Variants in ABCD3 observed in about 807,000 individuals in gnomAD.
ABCD3 encodes the protein ATP-binding cassette sub-family D member 3.
Under a neutral mutation model 105.5 loss-of-function variants are expected in ABCD3, and 41 were observed. The observed-to-expected ratio is 0.39, with a 90% CI of 0.30 to 0.50. ABCD3 has a LOEUF of 0.50. ABCD3 is among the 20% of genes least tolerant of loss of function. ABCD3 has a pLI of 0.84. For missense variants in ABCD3, 622 were observed against 806.3 expected (o/e 0.77, Z 2.77); for synonymous variants, 258 against 269.0 (o/e 0.96, Z 0.40).
chr1:94,397,335 A>G, the ABCD3 span, among the ~76,000 whole-genome samples: 1 of 152,202 alleles, frequency 6.6e-6, no homozygotes, highest in Admixed American at 6.5e-5. Flanking sequence ...TTTCTGCTCC[A>G]GGATCAAGTG....
At chr1:94,431,374 C>T (rs1371519314) in intron 1 of ABCD3, among the ~76,000 whole-genome samples, 1 of 152,022 alleles carries the variant, frequency 6.6e-6, no homozygotes, top group Non-Finnish European at 1.5e-5. Flanking sequence ...AAGTCAAAGT[C>T]GAGTGCTTGC....
intron 16 of ABCD3, among the ~76,000 whole-genome samples, chr1:94,495,282 G>A (rs1054903333): frequency 6.6e-6 from 1 of 152,006 alleles, no homozygotes; most frequent in Non-Finnish European, 1.5e-5. Flanking sequence ...TATTTGGGGG[G>A]TATATTTTTA....
intron 1 of ABCD3, among the ~76,000 whole-genome samples, chr1:94,433,989 T>C (rs532947628): frequency 6.6e-6 from 1 of 152,112 alleles, no homozygotes; most frequent in African/African-American, 2.4e-5. Context: ...AGTTAAAATA[T>C]GGCATAAAAG....
chr1:94,492,048 A>G (rs1212964479), intron 16 of ABCD3, among the ~76,000 whole-genome samples: 1 of 152,134 alleles, frequency 6.6e-6, no homozygotes, highest in Non-Finnish European at 1.5e-5. Flanking sequence ...TAAAATAACC[A>G]TGTGTAGATA....
upstream of ABCD3, among the ~76,000 whole-genome samples, chr1:94,414,251 A>G (rs2100854578): frequency 6.6e-6 from 1 of 152,306 alleles, no homozygotes; most frequent in Middle Eastern, 3.4e-3. Context: ...CCTGATGAGC[A>G]TGTACCACTT....
intron 3 of ABCD3, among the ~76,000 whole-genome samples, chr1:94,466,244 C>T (rs977784744): frequency 7.9e-5 from 12 of 152,142 alleles, no homozygotes; most frequent in African/African-American, 2.7e-4. Context: ...GGATCACACA[C>T]TTTTAAGATC....
At chr1:94,470,978 C>G (rs1408549386) in intron 4 of ABCD3, among the ~76,000 whole-genome samples, 1 of 152,004 alleles carries the variant, frequency 6.6e-6, no homozygotes, top group Non-Finnish European at 1.5e-5. Context: ...TTGTCATTCA[C>G]ATTAGAGGCC....
At chr1:94,393,408 G>A in the ABCD3 span, among the ~76,000 whole-genome samples, 2 of 152,130 alleles carry the variant, frequency 1.3e-5, no homozygotes, top group African/African-American at 4.8e-5. Flanking sequence ...GGAGGCTGAG[G>A]TAGGTGAATC....
chr1:94,457,487 G>A (rs945076583), intron 1 of ABCD3, among the ~76,000 whole-genome samples: 1 of 152,092 alleles, frequency 6.6e-6, no homozygotes, highest in African/African-American at 2.4e-5. Flanking sequence ...GACCCCTGTA[G>A]TAGACTCAGA....
chr1:94,446,077 C>G (rs1200485822), intron 1 of ABCD3, among the ~76,000 whole-genome samples: 1 of 152,134 alleles, frequency 6.6e-6, no homozygotes, highest in African/African-American at 2.4e-5. Context: ...ATCAGGCTGC[C>G]AGATAGGGGA....
rs1659111202 is a variant in ABCD3, at chr1:94,418,449, CCTCGCCGG to C, written c.-24_-17del. 1 of 1,549,684 alleles carries C rather than the reference CCTCGCCGG, an allele frequency of 6.5e-7. No individual in the cohort carries two copies. The highest frequency in any genetic ancestry group is 1.4e-5 in the African/African-American group (1 of 72,714). ...CGCCGCCGCCGCCGCCGCCGCGTCC[CCTCGCCGG>C]CTCGCTGGTACCGGCAGTGCCATGG... On this transcript the variant is annotated 5_prime_UTR_variant, in exon 1 of 23. Coordinates refer to ENST00000370214, the MANE Select transcript of ABCD3 (RefSeq NM_002858.4).
intron 1 of ABCD3, among the ~76,000 whole-genome samples, chr1:94,425,815 A>G (rs567192020): frequency 1.3e-5 from 2 of 152,288 alleles, no homozygotes; most frequent in South Asian, 4.1e-4. Flanking sequence ...TTGTGCAGCT[A>G]CTTGATCTTT....
At chr1:94,434,746 T>C (rs1447131264) in intron 1 of ABCD3, among the ~76,000 whole-genome samples, 3 of 152,210 alleles carry the variant, frequency 2.0e-5, no homozygotes, top group Non-Finnish European at 4.4e-5. Context: ...AATAATGCAA[T>C]GACATCTTTT....
At position 94,488,887 on chromosome 1, in the gene ABCD3, G is replaced by T. The variant is rs573525953; in HGVS notation, c.1158-838G>T. ...TCTTTCTCTTTCACTCCCTCCCTTC[G>T]TCTCCCTGCCCCCCTTTCTTTCTCT... On this transcript the variant is annotated intron_variant, in intron 13 of 22. Coordinates refer to ENST00000370214, the MANE Select transcript of ABCD3 (RefSeq NM_002858.4). Among the ~76,000 whole-genome samples, 3 of 149,256 alleles carry T rather than the reference G, an allele frequency of 2.0e-5. No homozygotes were observed. The East Asian group carries it at 5.9e-4, about 29-fold the overall frequency.
the ABCD3 span, among the ~76,000 whole-genome samples, chr1:94,407,449 T>C: frequency 6.6e-6 from 1 of 152,220 alleles, no homozygotes; most frequent in East Asian, 1.9e-4. Flanking sequence ...TGTCTTTCTA[T>C]TTGCTCAAGT....
the ABCD3 span, among the ~76,000 whole-genome samples, chr1:94,404,801 T>C: frequency 6.6e-6 from 1 of 152,074 alleles, no homozygotes; most frequent in Non-Finnish European, 1.5e-5. Flanking sequence ...TTTGCTTTTA[T>C]AAAAAACTTA....
rs1651034047 is a variant in ABCD3, at chr1:94,518,587, T to A, written c.*1458T>A. On this transcript the variant is annotated 3_prime_UTR_variant, in exon 23 of 23. Coordinates refer to ENST00000370214, the MANE Select transcript of ABCD3 (RefSeq NM_002858.4). ...TAAATACTGAGAAGTTCATTTATAA[T>A]TCAGCCTTGACTTGAAAACATAGAT... 1 of 152,164 alleles carries A rather than the reference T, an allele frequency of 6.6e-6. No homozygotes were observed. Among genetic ancestry groups the A allele is most frequent in the African/African-American group, 2.4e-5 (1 of 41,396 alleles). The allele number at this position is 152,164 out of a possible 1,614,324, so 9.4% of individuals were successfully genotyped here. A position where few individuals can be genotyped will look rare whatever the true frequency, so the allele number is the denominator to read the frequency against.
At chr1:94,464,903 A>G (rs2100975338) in intron 3 of ABCD3, 30 bp downstream of exon 3, 1 of 1,548,024 alleles carries the variant, frequency 6.5e-7, no homozygotes, top group East Asian at 2.2e-5. Context: ...AATCTTAAGT[A>G]TATTGGGCCG....
At chr1:94,404,845 C>G in the ABCD3 span, among the ~76,000 whole-genome samples, 1 of 150,942 alleles carries the variant, frequency 6.6e-6, no homozygotes, top group Non-Finnish European at 1.5e-5. Context: ...CATTTCAGTT[C>G]CTAGAAATCT....
Sources: gnomAD v4.1 joint callset for allele counts (sites outside exome capture counted in the v4.1 genomes callset) on GRCh38, gnomAD v4.1.1 for gene constraint, MANE v1.5 for transcripts, NCBI Gene and HGNC (gene_info 2026-07-23, HGNC 2026-07-21) for gene names.